The following CAMKMT variants were observed in gnomAD, a reference collection of about 807,000 sequenced individuals.
CAMKMT encodes the protein calmodulin-lysine N-methyltransferase.
Under a neutral mutation model 48.0 loss-of-function variants are expected in CAMKMT, and 53 were observed. The observed-to-expected ratio is 1.10, with a 90% CI of 0.89 to 1.39. CAMKMT has a LOEUF of 1.39. Among genes scored for constraint, CAMKMT ranks in the 40% most tolerant of loss-of-function variants. The pLI, the probability that CAMKMT is intolerant of heterozygous loss-of-function variation, is 0.00. For synonymous variants in CAMKMT, 165 were observed against 152.3 expected, an observed-to-expected ratio of 1.08 and a Z score of -0.61; for missense variants, 428 against 402.7, an observed-to-expected ratio of 1.06 and a Z score of -0.54.
At chr2:44,498,782 A>C (rs749147166) in intron 3 of CAMKMT, among the ~76,000 whole-genome samples, 5 of 152,244 alleles carry the variant, frequency 3.3e-5, no homozygotes, top group Non-Finnish European at 5.9e-5. Context: ...TTTGGGAAGG[A>C]ATCTGTTGCT....
At chr2:44,470,613 TCTTTATTTAAGAAGCTG>T (rs1558640196) in intron 3 of CAMKMT, among the ~76,000 whole-genome samples, 3 of 152,226 alleles carry the variant, frequency 2.0e-5, no homozygotes, top group African/African-American at 7.2e-5. Flanking sequence ...ACGTTTACTG[TCTTTATTTAAGAAGCTG>T]ATTATTGAAT....
chr2:44,685,919 T>A (rs1287321496), intron 3 of CAMKMT, among the ~76,000 whole-genome samples: 1 of 152,144 alleles, frequency 6.6e-6, no homozygotes. Flanking sequence ...GTATATATAT[T>A]TTGTGTCCTC....
chr2:44,363,354 G>A (rs1349838813), intron 1 of CAMKMT, among the ~76,000 whole-genome samples: 1 of 151,950 alleles, frequency 6.6e-6, no homozygotes, highest in Non-Finnish European at 1.5e-5. Context: ...GTGAGCTGGG[G>A]AGAGTGGACT....
chr2:44,615,339 A>G (rs1198465353), intron 3 of CAMKMT, among the ~76,000 whole-genome samples: 1 of 152,172 alleles, frequency 6.6e-6, no homozygotes, highest in Non-Finnish European at 1.5e-5. Context: ...CAGAGAAACC[A>G]TTTGGGGCCG....
chr2:44,401,905 C>T (rs1369817243), intron 3 of CAMKMT, among the ~76,000 whole-genome samples: 1 of 152,126 alleles, frequency 6.6e-6, no homozygotes, highest in Non-Finnish European at 1.5e-5. Context: ...TTTTGTATCT[C>T]GTTCTAAATT....
intron 3 of CAMKMT, among the ~76,000 whole-genome samples, chr2:44,672,612 C>T (rs1482039470): frequency 6.6e-6 from 1 of 152,186 alleles, no homozygotes; most frequent in Non-Finnish European, 1.5e-5. Flanking sequence ...CACCATGACA[C>T]AGCCAGAGAC....
chr2:44,425,174 A>G (rs1390492526), intron 3 of CAMKMT, among the ~76,000 whole-genome samples: 1 of 152,190 alleles, frequency 6.6e-6, no homozygotes, highest in Non-Finnish European at 1.5e-5. Context: ...ATAAACATAA[A>G]GAATAATGAA....
intron 3 of CAMKMT, among the ~76,000 whole-genome samples, chr2:44,417,766 T>C (rs1213406875): frequency 4.6e-5 from 7 of 152,264 alleles, no homozygotes; most frequent in African/African-American, 1.7e-4. Context: ...GTAGTGTATC[T>C]CATTGCGGTT....
chr2:44,539,113 G>A (rs1048561671), intron 3 of CAMKMT, among the ~76,000 whole-genome samples: 3 of 151,578 alleles, frequency 2.0e-5, no homozygotes, highest in Non-Finnish European at 4.4e-5. Flanking sequence ...AAACCAGCCT[G>A]GGCAACATAG....
At chr2:44,416,568 A>ATTTTTTTTTTTTTTTTTTTTTTTTTT in intron 3 of CAMKMT, among the ~76,000 whole-genome samples, 1 of 80,274 alleles carries the variant, frequency 1.2e-5, no homozygotes, top group Non-Finnish European at 2.4e-5. Flanking sequence ...ACTTAGCATG[A>ATTTTTTTTTTTTTTTTTTTTTTTTTT]TTTTTTTTTT....
intron 3 of CAMKMT, among the ~76,000 whole-genome samples, chr2:44,478,060 A>G (rs1558645680): frequency 1.3e-5 from 2 of 152,230 alleles, no homozygotes; most frequent in Admixed American, 6.5e-5. Context: ...ATTAAAAGCA[A>G]TGTATATTAA....
At chr2:44,421,695 A>G (rs966846506) in intron 3 of CAMKMT, among the ~76,000 whole-genome samples, 3 of 152,206 alleles carry the variant, frequency 2.0e-5, no homozygotes, top group Non-Finnish European at 2.9e-5. Context: ...TTTTGAAAGC[A>G]TTCTCTTTTT....
intron 3 of CAMKMT, among the ~76,000 whole-genome samples, chr2:44,581,537 A>G (rs899219117): frequency 5.3e-5 from 8 of 152,234 alleles, no homozygotes; most frequent in Middle Eastern, 3.2e-3. Context: ...AAAGACCTCA[A>G]TGTTACTTAA....
chr2:44,639,629 G>A (rs1404165995), intron 3 of CAMKMT, among the ~76,000 whole-genome samples: 1 of 152,172 alleles, frequency 6.6e-6, no homozygotes, highest in East Asian at 1.9e-4. Flanking sequence ...GTAGCAGTGG[G>A]TGGTTTATAT....
chr2:44,503,643 A>G (rs573910851), intron 3 of CAMKMT, among the ~76,000 whole-genome samples: 2 of 152,278 alleles, frequency 1.3e-5, no homozygotes, highest in South Asian at 4.2e-4. Context: ...AAAGAGGAAA[A>G]AAGAATCGCT....
At chr2:44,753,183 C>A (rs1358664147) in intron 8 of CAMKMT, among the ~76,000 whole-genome samples, 1 of 141,784 alleles carries the variant, frequency 7.1e-6, no homozygotes, top group African/African-American at 2.7e-5. Flanking sequence ...GAGGTTGAGG[C>A]AGGAAGACTG....
chr2:44,375,651 G>T (rs900058770), intron 2 of CAMKMT, among the ~76,000 whole-genome samples: 1 of 152,104 alleles, frequency 6.6e-6, no homozygotes, highest in African/African-American at 2.4e-5. Context: ...TGATGGCAAA[G>T]ATACTAGAAA....
chr2:44,650,863 A>G (rs1464360008), intron 3 of CAMKMT, among the ~76,000 whole-genome samples: 2 of 149,068 alleles, frequency 1.3e-5, no homozygotes, highest in South Asian at 2.1e-4. Context: ...AAAAAAAAAA[A>G]CAGTGGGAAA....
chr2:44,482,997 A>T (rs1253013009), intron 3 of CAMKMT, among the ~76,000 whole-genome samples: 1 of 152,162 alleles, frequency 6.6e-6, no homozygotes, highest in Admixed American at 6.5e-5. Flanking sequence ...AAGAATCATG[A>T]TGCCAATGCT....
Sources: gnomAD v4.1 joint callset for allele counts (sites outside exome capture counted in the v4.1 genomes callset) on GRCh38, gnomAD v4.1.1 for gene constraint, MANE v1.5 for transcripts, NCBI Gene and HGNC (gene_info 2026-07-23, HGNC 2026-07-21) for gene names.